CCDC60: variants seen among roughly 807,000 people sequenced by gnomAD.
CCDC60 encodes coiled-coil domain containing 60.
In CCDC60, 54 loss-of-function variants were observed where a neutral mutation model predicts 63.5. The observed-to-expected ratio is 0.85, with a 90% CI of 0.68 to 1.07. CCDC60 has a LOEUF of 1.07. Among genes scored for constraint, CCDC60 ranks in the 50% least tolerant of loss-of-function variants. The probability of loss-of-function intolerance (pLI) is 0.00; values close to 1 mark genes in which losing one functional copy is unlikely to be tolerated. For synonymous variants in CCDC60, 206 were observed against 238.8 expected, an observed-to-expected ratio of 0.86 and a Z score of 1.27; for missense variants, 651 against 684.3, an observed-to-expected ratio of 0.95 and a Z score of 0.54.
At chr12:119,464,370 CCCTTCCTTCCT>C (rs898080281) in intron 2 of CCDC60, among the ~76,000 whole-genome samples, 4 of 145,998 alleles carry the variant, frequency 2.7e-5, no homozygotes, top group African/African-American at 7.6e-5. Context: ...CTCCCATTTT[CCCTTCCTTCCT>C]CCTTCCTTCC....
intron 1 of CCDC60, among the ~76,000 whole-genome samples, chr12:119,386,797 C>T (rs1276132386): frequency 1.3e-5 from 2 of 152,142 alleles, no homozygotes; most frequent in Non-Finnish European, 2.9e-5. Flanking sequence ...CGAAACAGTC[C>T]GTGCCTACAA....
chr12:119,490,844 G>T (rs1951565271), intron 5 of CCDC60, among the ~76,000 whole-genome samples: 1 of 152,148 alleles, frequency 6.6e-6, no homozygotes, highest in African/African-American at 2.4e-5. Flanking sequence ...ATCCCAAGTA[G>T]CTGGGATTAC....
intron 7 of CCDC60, among the ~76,000 whole-genome samples, chr12:119,507,565 TATATGTATATATACACATATATATACA>T: frequency 1.5e-5 from 1 of 67,568 alleles, no homozygotes; most frequent in African/African-American, 8.4e-5. Flanking sequence ...TATATATATA[TATATGTATATATACACATATATATACA>T]TATATATATA....
chr12:119,538,749 T>A (rs900624476), intron 13 of CCDC60, among the ~76,000 whole-genome samples: 2 of 152,238 alleles, frequency 1.3e-5, no homozygotes, highest in Non-Finnish European at 2.9e-5. Flanking sequence ...GGAACTGTGA[T>A]CCTTTGGAGG....
At chr12:119,495,498 C>T (rs895626430) in intron 5 of CCDC60, among the ~76,000 whole-genome samples, 10 of 152,204 alleles carry the variant, frequency 6.6e-5, no homozygotes, top group African/African-American at 2.4e-4. Context: ...CAGATCTGAA[C>T]CTCTGCTGTG....
chr12:119,363,638 T>C (rs547697258), intron 1 of CCDC60, among the ~76,000 whole-genome samples: 1 of 152,322 alleles, frequency 6.6e-6, no homozygotes, highest in African/African-American at 2.4e-5. Flanking sequence ...ATTCATACAT[T>C]TGCTCCATCT....
At chr12:119,454,809 G>A (rs980717131) in intron 2 of CCDC60, among the ~76,000 whole-genome samples, 6 of 152,170 alleles carry the variant, frequency 3.9e-5, no homozygotes, top group Non-Finnish European at 7.3e-5. Flanking sequence ...TTTACATTTG[G>A]ATGAAGGTGA....
intron 1 of CCDC60, among the ~76,000 whole-genome samples, chr12:119,422,972 T>C (rs1199976200): frequency 1.3e-5 from 2 of 152,164 alleles, no homozygotes; most frequent in African/African-American, 4.8e-5. Context: ...CAAAACCAGA[T>C]TAAAATATTA....
intron 5 of CCDC60, among the ~76,000 whole-genome samples, chr12:119,496,009 T>C (rs1417278521): frequency 6.6e-6 from 1 of 152,178 alleles, no homozygotes; most frequent in East Asian, 1.9e-4. Flanking sequence ...TTTGCACTGA[T>C]TTAATTGCAT....
chr12:119,466,667 C>T (rs1344951831), intron 2 of CCDC60, among the ~76,000 whole-genome samples: 1 of 152,208 alleles, frequency 6.6e-6, no homozygotes, highest in Admixed American at 6.5e-5. Flanking sequence ...GAACCACTAC[C>T]TCACCCCCTA....
At chr12:119,396,964 G>A (rs1454589737) in intron 1 of CCDC60, among the ~76,000 whole-genome samples, 2 of 152,228 alleles carry the variant, frequency 1.3e-5, no homozygotes, top group Non-Finnish European at 2.9e-5. Context: ...ATGTTCAGAT[G>A]TGTCCAGAGT....
intron 2 of CCDC60, among the ~76,000 whole-genome samples, chr12:119,432,399 G>T (rs1012340311): frequency 2.0e-5 from 3 of 152,334 alleles, no homozygotes; most frequent in Admixed American, 2.0e-4. Context: ...CAGAAGAGAG[G>T]TTCCAAATAC....
At chr12:119,468,272 A>G (rs938173399) in intron 2 of CCDC60, among the ~76,000 whole-genome samples, 1 of 152,162 alleles carries the variant, frequency 6.6e-6, no homozygotes, top group African/African-American at 2.4e-5. Context: ...AGCCTGGGCG[A>G]TAGAGCAAGA....
At chr12:119,496,571 A>G (rs1951719654) in intron 5 of CCDC60, among the ~76,000 whole-genome samples, 1 of 152,196 alleles carries the variant, frequency 6.6e-6, no homozygotes, top group Non-Finnish European at 1.5e-5. Flanking sequence ...AGAGAAGGTT[A>G]TTGTTGTTAA....
intron 4 of CCDC60, among the ~76,000 whole-genome samples, chr12:119,483,430 TA>T (rs1593154992): frequency 1.3e-5 from 2 of 152,172 alleles, no homozygotes. Context: ...CCTTTATCTT[TA>T]AAAAGGGAAG....
chr12:119,517,307 C>T (rs970040948), intron 8 of CCDC60, among the ~76,000 whole-genome samples: 1 of 152,142 alleles, frequency 6.6e-6, no homozygotes, highest in African/African-American at 2.4e-5. Flanking sequence ...CCAGACATTT[C>T]TAATTCCAAA....
chr12:119,473,753 A>T (rs1183901627), intron 3 of CCDC60, among the ~76,000 whole-genome samples: 1 of 152,048 alleles, frequency 6.6e-6, no homozygotes, highest in African/African-American at 2.4e-5. Flanking sequence ...ATGGTCTCCA[A>T]CTCCATCCAG....
At chr12:119,347,740 C>G (rs1955612117) in intron 1 of CCDC60, among the ~76,000 whole-genome samples, 1 of 152,120 alleles carries the variant, frequency 6.6e-6, no homozygotes, top group African/African-American at 2.4e-5. Context: ...ACTATGTAAA[C>G]TTGGGCAAGT....
At chr12:119,488,644 G>A (rs1159487512) in intron 4 of CCDC60, 115 bp from the exon 5 acceptor site, 7 of 813,028 alleles carry the variant, frequency 8.6e-6, no homozygotes, top group South Asian at 6.3e-5. Flanking sequence ...CATGCCTGGA[G>A]CATGGTGCCT....
Sources: gnomAD v4.1 joint callset for allele counts (sites outside exome capture counted in the v4.1 genomes callset) on GRCh38, gnomAD v4.1.1 for gene constraint, MANE v1.5 for transcripts, NCBI Gene and HGNC (gene_info 2026-07-23, HGNC 2026-07-21) for gene names.